The following SLC17A8 variants were observed in gnomAD, a reference collection of about 807,000 sequenced individuals.
The protein encoded by SLC17A8 is solute carrier family 17 member 8.
Under a neutral mutation model 58.0 loss-of-function variants are expected in SLC17A8, and 31 were observed. The observed-to-expected ratio is 0.53, with a 90% CI of 0.40 to 0.72. The LOEUF (loss-of-function observed/expected upper bound fraction) is 0.72. Ranked by LOEUF, SLC17A8 falls within the 30% of genes least tolerant of loss-of-function variation. SLC17A8 has a pLI of 0.00. For missense variants in SLC17A8, 655 were observed against 727.8 expected, an observed-to-expected ratio of 0.90 and a Z score of 1.15; for synonymous variants, 228 against 249.0, an observed-to-expected ratio of 0.92 and a Z score of 0.79.
intron 1 of SLC17A8, among the ~76,000 whole-genome samples, chr12:100,360,175 A>G (rs34351561): frequency 0.065 from 9,919 of 152,330 alleles, 471 homozygotes; most frequent in Admixed American, 0.11. Context: ...AGGTAAAATA[A>G]TATTTTAGAA....
intron 1 of SLC17A8, among the ~76,000 whole-genome samples, chr12:100,363,408 G>A (rs915371498): frequency 4.6e-5 from 7 of 152,048 alleles, no homozygotes; most frequent in East Asian, 1.9e-4. Context: ...CCACTCTGTC[G>A]CCCAGGCTGG....
At chr12:100,414,328 A>G (rs1358688331) in intron 10 of SLC17A8, among the ~76,000 whole-genome samples, 1 of 152,222 alleles carries the variant, frequency 6.6e-6, no homozygotes, top group Non-Finnish European at 1.5e-5. Context: ...CAAAATAAAT[A>G]GAGTTGATGA....
At chr12:100,372,879 T>A (rs922078959) in intron 1 of SLC17A8, among the ~76,000 whole-genome samples, 3 of 152,188 alleles carry the variant, frequency 2.0e-5, no homozygotes, top group African/African-American at 7.2e-5. Flanking sequence ...AATGGATTTT[T>A]AAAATACGTA....
chr12:100,374,852 C>A (rs1017915513), intron 1 of SLC17A8, among the ~76,000 whole-genome samples: 4 of 152,040 alleles, frequency 2.6e-5, no homozygotes, highest in Non-Finnish European at 4.4e-5. Context: ...TGTGCTCAGA[C>A]CCCTCCCCAC....
chr12:100,412,009 T>TA (rs1422182577), intron 9 of SLC17A8, among the ~76,000 whole-genome samples: 1 of 152,178 alleles, frequency 6.6e-6, no homozygotes, highest in African/African-American at 2.4e-5. Flanking sequence ...CAATAAATAT[T>TA]AGAGTGTTGT....
In SLC17A8 at chr12:100,380,711, G is replaced by C; in HGVS notation, c.112G>C (p.Gly38Arg). 1 of 1,613,776 alleles carries C rather than the reference G, an allele frequency of 6.2e-7. No homozygotes were observed. The highest frequency in any genetic ancestry group is 8.5e-7 in the Non-Finnish European group (1 of 1,179,978). ...SLGILQRKID[G>R]TTEEEDNIEL... The stretch of plus-strand genomic sequence containing the variant: ...CTTTTTCCCATGTAGAAAAATCGAT[G>C]GGACAACTGAGGAAGAAGATAACAT... The change falls in exon 2 of 12, where the codon GGG becomes CGG. Residue 38 changes from glycine (G) to arginine (R), a missense_variant. By Grantham distance (125) the Gly-to-Arg change is moderately radical. Transcript: ENST00000323346.
intron 1 of SLC17A8, among the ~76,000 whole-genome samples, chr12:100,370,494 G>A (rs1468963891): frequency 1.3e-5 from 2 of 149,268 alleles, no homozygotes; most frequent in Admixed American, 1.3e-4. Flanking sequence ...ATGGAGTTTT[G>A]CCATGTTGGC....
At chr12:100,368,292 G>A (rs896237178) in intron 1 of SLC17A8, among the ~76,000 whole-genome samples, 17 of 152,196 alleles carry the variant, frequency 1.1e-4, no homozygotes, top group African/African-American at 4.1e-4. Flanking sequence ...GCCTTGGCTT[G>A]TGGATGCATT....
chr12:100,393,549 C>T (rs879228524), intron 4 of SLC17A8, 66 bp downstream of exon 4: 6 of 1,194,470 alleles, frequency 5.0e-6, no homozygotes, highest in South Asian at 2.4e-5. Flanking sequence ...AGAAAATTCA[C>T]CTTCTGAAGA....
chr12:100,361,899 T>A (rs960394369), intron 1 of SLC17A8, among the ~76,000 whole-genome samples: 3 of 148,938 alleles, frequency 2.0e-5, no homozygotes, highest in African/African-American at 7.4e-5. Flanking sequence ...AGGCAGAGGT[T>A]GCAGTGAGCC....
intron 1 of SLC17A8, among the ~76,000 whole-genome samples, chr12:100,361,270 G>A (rs1366763766): frequency 1.3e-5 from 2 of 152,204 alleles, no homozygotes; most frequent in Non-Finnish European, 2.9e-5. Flanking sequence ...ACTTTTGGAA[G>A]GCTCTCTGAG....
At chr12:100,377,736 G>C (rs1009978776) in intron 1 of SLC17A8, among the ~76,000 whole-genome samples, 1 of 151,672 alleles carries the variant, frequency 6.6e-6, no homozygotes, top group Non-Finnish European at 1.5e-5. Context: ...CTACAGGCGC[G>C]TGCCACCACG....
chr12:100,411,942 T>G (rs1326648730), intron 9 of SLC17A8, among the ~76,000 whole-genome samples: 1 of 152,168 alleles, frequency 6.6e-6, no homozygotes, highest in Admixed American at 6.6e-5. Context: ...TGTTTTTGTT[T>G]GTTTCTTTGT....
At chr12:100,396,583 TAA>T (rs146805348) in intron 5 of SLC17A8, among the ~76,000 whole-genome samples, 166 bp downstream of exon 5, 31 of 138,918 alleles carry the variant, frequency 2.2e-4, no homozygotes, top group Non-Finnish European at 1.4e-4. Flanking sequence ...ACTTCGTCTT[TAA>T]AAAAAAAAAA....
chr12:100,406,572 G>C (rs576554876), intron 9 of SLC17A8, among the ~76,000 whole-genome samples: 1 of 149,812 alleles, frequency 6.7e-6, no homozygotes, highest in African/African-American at 2.5e-5. Context: ...GTCTCGCTCT[G>C]TTACCCAGGC....
chr12:100,371,828 C>T (rs1053323687), intron 1 of SLC17A8, among the ~76,000 whole-genome samples: 8 of 152,146 alleles, frequency 5.3e-5, no homozygotes, highest in African/African-American at 1.4e-4. Flanking sequence ...GGATTACAGC[C>T]GTGAGCCACC....
chr12:100,419,671 G>A (rs1466895357), intron 11 of SLC17A8, 144 bp from the exon 12 acceptor site: 3 of 706,214 alleles, frequency 4.2e-6, no homozygotes, highest in African/African-American at 3.6e-5. Context: ...TGGTGCTTCT[G>A]ACACACGTCC....
chr12:100,395,565 T>C (rs997211428), intron 4 of SLC17A8, among the ~76,000 whole-genome samples: 10 of 152,084 alleles, frequency 6.6e-5, no homozygotes, highest in African/African-American at 2.4e-4. Flanking sequence ...ACTTAGGTGA[T>C]CCGCCCACCT....
In SLC17A8 at chr12:100,393,488, G is replaced by A; in HGVS notation, c.588+5G>A. 6.2e-7 allele frequency: 1 copy of A among 1,600,802 alleles called. No individual in the cohort carries two copies. Among genetic ancestry groups the A allele is most frequent in the Non-Finnish European group, 8.6e-7 (1 of 1,168,254 alleles). On this transcript the variant is annotated splice_donor_5th_base_variant and intron_variant, in intron 4 of 11. Transcript: ENST00000323346. ...ATTCTGCAAGGTTTAGTGGAGGTAGGAGATACTTTCCTTACAGTTTTTGAT... is the reference window on the plus strand; with the variant it reads ...ATTCTGCAAGGTTTAGTGGAGGTAGAAGATACTTTCCTTACAGTTTTTGAT...
Sources: allele counts gnomAD v4.1 joint callset (sites outside exome capture counted in the v4.1 genomes callset), GRCh38; gene constraint gnomAD v4.1.1; transcripts MANE v1.5; gene names NCBI Gene and HGNC (gene_info 2026-07-23, HGNC 2026-07-21).